DLGAP2: variants seen among roughly 807,000 people sequenced by gnomAD.
DLGAP2 encodes the protein DLG associated protein 2.
A neutral mutation model predicts 100.3 loss-of-function variants in DLGAP2; 26 were observed. The observed-to-expected ratio is 0.26, with a 90% CI of 0.19 to 0.36. The LOEUF (loss-of-function observed/expected upper bound fraction) is 0.36. Ranked by LOEUF, DLGAP2 falls within the 10% of genes least tolerant of loss-of-function variation. The pLI is 1.00. For synonymous variants in DLGAP2, 886 were observed against 630.1 expected, an observed-to-expected ratio of 1.41 and a Z score of -6.08; for missense variants, 1,858 against 1,453.2, an observed-to-expected ratio of 1.28 and a Z score of -4.53.
At chr8:1,150,923 T>G (rs2129051515) in intron 2 of DLGAP2, among the ~76,000 whole-genome samples, 1 of 152,372 alleles carries the variant, frequency 6.6e-6, no homozygotes, top group South Asian at 2.1e-4. Flanking sequence ...AGTATTACTT[T>G]CTGAGATAAT....
chr8:861,469 C>G (rs1429097689), intron 1 of DLGAP2, among the ~76,000 whole-genome samples: 1 of 152,162 alleles, frequency 6.6e-6, no homozygotes, highest in Non-Finnish European at 1.5e-5. Flanking sequence ...TAACAGAAAC[C>G]AAGAGACCAA....
chr8:1,318,670 C>G (rs1800822625), intron 3 of DLGAP2, among the ~76,000 whole-genome samples: 1 of 151,740 alleles, frequency 6.6e-6, no homozygotes, highest in African/African-American at 2.4e-5. Context: ...TAAATACTGC[C>G]AAGCAACATA....
intron 3 of DLGAP2, among the ~76,000 whole-genome samples, chr8:1,324,562 G>A (rs1210608213): frequency 6.6e-6 from 1 of 152,204 alleles, no homozygotes. Context: ...CCAGGACACA[G>A]TGTTACATCC....
chr8:1,227,047 A>G (rs963360182), intron 2 of DLGAP2, among the ~76,000 whole-genome samples: 2 of 149,054 alleles, frequency 1.3e-5, no homozygotes, highest in East Asian at 2.0e-4. Context: ...TCGGAAATAT[A>G]TCTGCACTCC....
At chr8:1,269,061 C>T (rs1481041914) in intron 3 of DLGAP2, among the ~76,000 whole-genome samples, 1 of 152,176 alleles carries the variant, frequency 6.6e-6, no homozygotes, top group African/African-American at 2.4e-5. Context: ...ATAGGGCATA[C>T]AGATGTGAAT....
chr8:1,140,701 A>G (rs753989136), intron 2 of DLGAP2, among the ~76,000 whole-genome samples: 42 of 152,150 alleles, frequency 2.8e-4, no homozygotes, highest in Non-Finnish European at 5.4e-4. Context: ...GCCGGGCACA[A>G]TGACTCATAC....
At chr8:1,692,992 T>C (rs1170933285) in intron 13 of DLGAP2, among the ~76,000 whole-genome samples, 1 of 148,354 alleles carries the variant, frequency 6.7e-6, no homozygotes, top group Non-Finnish European at 1.5e-5. Flanking sequence ...ATTAGATGTA[T>C]ACAAGATTAT....
intron 3 of DLGAP2, among the ~76,000 whole-genome samples, chr8:1,454,884 C>T (rs574354988): frequency 3.2e-4 from 48 of 152,308 alleles, no homozygotes; most frequent in African/African-American, 1.0e-3. Context: ...CCCACCCTCC[C>T]GTCATGCAGA....
chr8:1,612,843 TATC>T (rs1397943252), intron 6 of DLGAP2, among the ~76,000 whole-genome samples: 1 of 100,380 alleles, frequency 1.0e-5, no homozygotes, highest in Non-Finnish European at 2.0e-5. Context: ...CACTATGAGA[TATC>T]ATCTCACACC....
chr8:950,916 G>A (rs1001128499), intron 2 of DLGAP2, among the ~76,000 whole-genome samples: 9 of 151,700 alleles, frequency 5.9e-5, no homozygotes, highest in East Asian at 1.9e-4. Flanking sequence ...GAGCCACCGC[G>A]CTCGGCCCTA....
chr8:1,507,301 CG>C (rs1342204291), intron 4 of DLGAP2, among the ~76,000 whole-genome samples: 3 of 152,142 alleles, frequency 2.0e-5, no homozygotes, highest in African/African-American at 7.2e-5. Context: ...CCCTGTCCCA[CG>C]GGGAGGCAGC....
intron 3 of DLGAP2, among the ~76,000 whole-genome samples, chr8:1,312,478 C>G (rs745722645): frequency 1.1e-4 from 16 of 152,100 alleles, no homozygotes; most frequent in Non-Finnish European, 2.2e-4. Context: ...AACTCTTAAG[C>G]AACAAGAAGA....
intron 3 of DLGAP2, among the ~76,000 whole-genome samples, chr8:1,290,235 G>A (rs968487745): frequency 7.2e-5 from 11 of 152,234 alleles, no homozygotes; most frequent in African/African-American, 2.7e-4. Context: ...GCAAAGCTGA[G>A]AAAGTCGGGA....
chr8:1,239,922 ACCGTGTCTAGTTCTCTCACATGTTG>A (rs1798746765), intron 2 of DLGAP2, among the ~76,000 whole-genome samples: 1 of 59,670 alleles, frequency 1.7e-5, no homozygotes, highest in Non-Finnish European at 3.7e-5. Context: ...CTCACATGGC[ACCGTGTCTAGTTCTCTCACATGTTG>A]CCGTGTCTAG....
intron 5 of DLGAP2, among the ~76,000 whole-genome samples, chr8:1,558,812 C>T (rs1196442572): frequency 6.6e-6 from 1 of 151,964 alleles, no homozygotes; most frequent in Non-Finnish European, 1.5e-5. Flanking sequence ...CACATAAACA[C>T]ACATACGCAC....
chr8:1,654,166 A>C (rs1306981976), intron 8 of DLGAP2, among the ~76,000 whole-genome samples: 1 of 152,198 alleles, frequency 6.6e-6, no homozygotes, highest in Non-Finnish European at 1.5e-5. Context: ...ATTCACAATT[A>C]GGTGTCCCGT....
chr8:1,225,196 G>C (rs563108618), intron 2 of DLGAP2, among the ~76,000 whole-genome samples: 3 of 152,356 alleles, frequency 2.0e-5, no homozygotes, highest in African/African-American at 7.2e-5. Context: ...CACAGGGGTG[G>C]ATGGATAAGC....
intron 2 of DLGAP2, among the ~76,000 whole-genome samples, chr8:949,477 A>T (rs145496319): frequency 2.2e-4 from 33 of 152,170 alleles, no homozygotes; most frequent in African/African-American, 7.7e-4. Context: ...GGGCTTCCGG[A>T]GCTGAAACTC....
chr8:1,582,307 A>AGCCCCACACACATGTACACACCAC (rs1292749651), intron 6 of DLGAP2, among the ~76,000 whole-genome samples: 4 of 102,264 alleles, frequency 3.9e-5, no homozygotes, highest in Non-Finnish European at 5.8e-5. Flanking sequence ...GATACAGATA[A>AGCCCCACACACATGTACACACCAC]AACCTTAAAA....
Sources: allele counts gnomAD v4.1 joint callset (sites outside exome capture counted in the v4.1 genomes callset), GRCh38; gene constraint gnomAD v4.1.1; transcripts MANE v1.5; gene names NCBI Gene and HGNC (gene_info 2026-07-23, HGNC 2026-07-21).